Variants in EFHC1 observed in about 807,000 individuals in gnomAD.
EFHC1 encodes the protein EF-hand domain containing 1.
EFHC1 carries 53 observed loss-of-function variants against 69.9 expected under a neutral mutation model. The observed-to-expected ratio is 0.76, with a 90% CI of 0.61 to 0.95. The LOEUF (loss-of-function observed/expected upper bound fraction) is 0.95, where lower values mean the gene tolerates loss of function less well. EFHC1 is among the 40% of genes least tolerant of loss of function. The pLI is 0.00. For missense variants in EFHC1, 739 were observed against 798.7 expected, an observed-to-expected ratio of 0.93 and a Z score of 0.90; for synonymous variants, 256 against 278.4, an observed-to-expected ratio of 0.92 and a Z score of 0.80.
chr6:52,463,150 C>T (rs1765211292), intron 5 of EFHC1, among the ~76,000 whole-genome samples: 1 of 151,354 alleles, frequency 6.6e-6, no homozygotes, highest in African/African-American at 2.4e-5. Context: ...GCCTCAGCCT[C>T]CCGAGTAGCT....
chr6:52,422,645 T>C (rs1764216598), intron 1 of EFHC1, among the ~76,000 whole-genome samples: 1 of 152,144 alleles, frequency 6.6e-6, no homozygotes, highest in Non-Finnish European at 1.5e-5. Context: ...ATGTATATAT[T>C]TGAATATTAT....
intron 3 of EFHC1, among the ~76,000 whole-genome samples, chr6:52,447,962 TGAGGTGTCAGTTGGCCCCTACTGG>T (rs1209170884): frequency 6.6e-6 from 1 of 152,212 alleles, no homozygotes; most frequent in African/African-American, 2.4e-5. Flanking sequence ...CCTGGCTGTA[TGAGGTGTCAGTTGGCCCCTACTGG>T]GAGGTGTCTC....
rs1765995342 is a variant in EFHC1, at chr6:52,494,459, G to A, written c.*2118G>A. ...TCTAGCCCATGTAGGCTCTGGGAAA[G>A]GTTAAGCGGGTAGAAACCAGAGAAA... is the stretch of plus-strand genomic sequence containing the variant. On this transcript the variant is annotated 3_prime_UTR_variant, in exon 11 of 11. Transcript: ENST00000371068. The A allele has an allele frequency of 2.2e-6, 1 of 454,126 alleles. No individual in the cohort carries two copies. Among genetic ancestry groups the A allele is most frequent in the Non-Finnish European group, 4.4e-6 (1 of 226,802 alleles). 28.1% of individuals were successfully genotyped at this position (454,126 alleles called of 1,614,324 possible).
intron 5 of EFHC1, among the ~76,000 whole-genome samples, chr6:52,460,680 A>C (rs936462158): frequency 6.6e-6 from 1 of 152,226 alleles, no homozygotes; most frequent in South Asian, 2.1e-4. Context: ...CTTCTGTAGC[A>C]ACAGTGATTA....
chr6:52,477,876 C>T (rs907125335), intron 7 of EFHC1, among the ~76,000 whole-genome samples: 14 of 152,158 alleles, frequency 9.2e-5, no homozygotes, highest in African/African-American at 2.9e-4. Flanking sequence ...GGTGATTCCT[C>T]AGGGATCTAG....
intron 9 of EFHC1, chr6:52,485,347 GT>G: frequency 6.6e-6 from 1 of 152,240 alleles, no homozygotes; most frequent in Non-Finnish European, 1.5e-5. Flanking sequence ...AGTAATTTAA[GT>G]TTTTTAAAAT....
intron 9 of EFHC1, chr6:52,482,428 A>G (rs1050416661): frequency 1.7e-5 from 3 of 173,546 alleles, no homozygotes; most frequent in African/African-American, 7.1e-5. Context: ...ACTAATTTTT[A>G]CTTAGCACAT....
At chr6:52,458,102 G>A (rs535158344) in intron 5 of EFHC1, among the ~76,000 whole-genome samples, 3 of 152,250 alleles carry the variant, frequency 2.0e-5, no homozygotes, top group African/African-American at 7.2e-5. Flanking sequence ...GCAATTTGGT[G>A]GAGAAATGAT....
Position 52,454,031 on chromosome 6 carries a change from A to G in EFHC1, c.724-64A>G, listed in dbSNP as rs1283524957. On this transcript the variant is annotated intron_variant, in intron 4 of 10. Coordinates refer to ENST00000371068, the MANE Select transcript of EFHC1 (RefSeq NM_018100.4). ...TTTCCATCGTTGATACATAATTGCC[A>G]AAGTAGCCAAGTTGAACTCCCTACT... 1.9e-6 allele frequency: 3 copies of G among 1,610,134 alleles called. No individual in the cohort carries two copies. In the East Asian group the frequency reaches 6.7e-5, roughly 36 times the overall value.
chr6:52,452,890 A>G (rs756997435), intron 4 of EFHC1, 53 bp downstream of exon 4: 4 of 1,611,986 alleles, frequency 2.5e-6, no homozygotes, highest in Non-Finnish European at 3.4e-6. Flanking sequence ...TGTGACCTAC[A>G]TTTATTGGCA....
chr6:52,428,038 C>T (rs1373994880), intron 2 of EFHC1, among the ~76,000 whole-genome samples: 6 of 152,094 alleles, frequency 3.9e-5, no homozygotes, highest in Admixed American at 3.9e-4. Context: ...GGTTAGAATA[C>T]ATGATAATCA....
intron 5 of EFHC1, among the ~76,000 whole-genome samples, chr6:52,459,411 A>G (rs1346659198): frequency 6.6e-6 from 1 of 152,234 alleles, no homozygotes; most frequent in African/African-American, 2.4e-5. Context: ...ATTAGAATAG[A>G]TACCTCACCA....
In EFHC1 at chr6:52,495,131, C is replaced by T; in HGVS notation, c.*2790C>T. The T allele has an allele frequency of 2.2e-6, 1 of 454,082 alleles. No homozygotes were observed. Among genetic ancestry groups the T allele is most frequent in the Non-Finnish European group, 4.4e-6 (1 of 226,774 alleles). The allele number at this position is 454,082 out of a possible 1,614,324, so 28.1% of individuals were successfully genotyped here. On this transcript the variant is annotated 3_prime_UTR_variant, in exon 11 of 11. Coordinates refer to ENST00000371068, the MANE Select transcript of EFHC1 (RefSeq NM_018100.4). ...CTCCTTCTGATCTTCCCAGGAGGCC[C>T]TTTCAGGCTGACACACCTTCCAGGG...
At chr6:52,435,344 A>G (rs769230427) in intron 2 of EFHC1, among the ~76,000 whole-genome samples, 3 of 152,188 alleles carry the variant, frequency 2.0e-5, no homozygotes. Context: ...TGTTTGCATT[A>G]TCCTTGAATG....
At chr6:52,479,297 G>A (rs1765618476) in intron 8 of EFHC1, 47 bp downstream of exon 8, 1 of 1,590,780 alleles carries the variant, frequency 6.3e-7, no homozygotes, top group African/African-American at 1.3e-5. Flanking sequence ...GCCTGAATGA[G>A]TTCTTAATTG....
intron 3 of EFHC1, among the ~76,000 whole-genome samples, chr6:52,444,388 C>T (rs1354347503): frequency 1.3e-5 from 2 of 152,100 alleles, no homozygotes; most frequent in African/African-American, 4.8e-5. Flanking sequence ...GGAATGCTTC[C>T]AGTTTTTGCC....
chr6:52,442,281 A>G (rs968942450), intron 3 of EFHC1, among the ~76,000 whole-genome samples: 4 of 151,908 alleles, frequency 2.6e-5, no homozygotes, highest in African/African-American at 9.7e-5. Flanking sequence ...TTCCTTTAAT[A>G]CCTAGTTTAT....
In EFHC1 at chr6:52,441,133, G is replaced by A. The variant is rs537858404; in HGVS notation, c.573+2542G>A. Among the ~76,000 whole-genome samples, 8 of 152,114 alleles carry A rather than the reference G, an allele frequency of 5.3e-5. No homozygotes were observed. In the South Asian group the frequency reaches 8.3e-4, roughly 16 times the overall value. ...TCTTTTGCTCTGCGGAAGCTCTTAC[G>A]TTTAATTAGATACCATTTGTCAATT... On this transcript the variant is annotated intron_variant, in intron 3 of 10. Coordinates refer to ENST00000371068, the MANE Select transcript of EFHC1 (RefSeq NM_018100.4).
At chr6:52,490,074 G>A (rs921727892) in intron 9 of EFHC1, 66 bp from the exon 10 acceptor site, 21 of 1,435,718 alleles carry the variant, frequency 1.5e-5, no homozygotes, top group Non-Finnish European at 1.9e-5. Flanking sequence ...TAAGAACTTT[G>A]GTCACCGAGA....
Sources: gnomAD v4.1 joint callset for allele counts (sites outside exome capture counted in the v4.1 genomes callset) on GRCh38, gnomAD v4.1.1 for gene constraint, MANE v1.5 for transcripts, NCBI Gene and HGNC (gene_info 2026-07-23, HGNC 2026-07-21) for gene names.